The following PKHD1 variants were observed in gnomAD, a reference collection of about 807,000 sequenced individuals.
PKHD1 encodes PKHD1 ciliary IPT domain containing fibrocystin/polyductin.
In PKHD1, 291 loss-of-function variants were observed where a neutral mutation model predicts 412.0. That is an observed-to-expected ratio of 0.71 (90% confidence interval 0.64 to 0.78). The LOEUF (loss-of-function observed/expected upper bound fraction) is 0.78, where lower values mean the gene tolerates loss of function less well. Ranked by LOEUF, PKHD1 falls within the 30% of genes least tolerant of loss-of-function variation. The pLI is 0.00. For missense variants in PKHD1, 4,825 were observed against 4,950.7 expected, an observed-to-expected ratio of 0.97 and a Z score of 0.76; for synonymous variants, 1,777 against 1,821.5, an observed-to-expected ratio of 0.98 and a Z score of 0.62.
intron 11 of PKHD1, among the ~76,000 whole-genome samples, chr6:52,066,877 G>A (rs569984459): frequency 2.2e-4 from 33 of 152,202 alleles, no homozygotes; most frequent in South Asian, 8.3e-4. Flanking sequence ...TCCAGCCTGC[G>A]TGACAGAGCG....
chr6:51,985,145 A>G (rs1796050565), intron 35 of PKHD1, among the ~76,000 whole-genome samples: 1 of 152,196 alleles, frequency 6.6e-6, no homozygotes, highest in Non-Finnish European at 1.5e-5. Flanking sequence ...ATGATCTGTG[A>G]AAAAAATTAG....
chr6:51,744,228 C>T (rs1423624246), intron 60 of PKHD1, among the ~76,000 whole-genome samples, 157 bp downstream of exon 60: 1 of 152,184 alleles, frequency 6.6e-6, no homozygotes, highest in Non-Finnish European at 1.5e-5. Context: ...CTCAGCATTC[C>T]TGTAATACAG....
intron 52 of PKHD1, among the ~76,000 whole-genome samples, chr6:51,796,448 A>T (rs1161349100): frequency 1.6e-4 from 24 of 151,508 alleles, no homozygotes; most frequent in African/African-American, 4.8e-4. Context: ...TTTTCAAAAA[A>T]ATCCTAGATT....
At chr6:51,654,657 C>T (rs905694974) in intron 61 of PKHD1, among the ~76,000 whole-genome samples, 4 of 147,354 alleles carry the variant, frequency 2.7e-5, no homozygotes, top group African/African-American at 5.0e-5. Context: ...AAAAAAAATA[C>T]AATAGATTAC....
rs374639343 is a variant in PKHD1, at chr6:51,919,737, G to A, written c.6122-7161C>T. On this transcript the variant is annotated intron_variant, in intron 37 of 66. Coordinates refer to ENST00000371117, the MANE Select transcript of PKHD1 (RefSeq NM_138694.4). ...CCTTGGGCAGTATGGCCATTTTCAC[G>A]ATATTGATTCTTCCTATCCATGAGC... Among the ~76,000 whole-genome samples, 62 of 152,270 alleles carry A rather than the reference G, an allele frequency of 4.1e-4. 2 individuals are homozygous for A. The South Asian group carries it at 0.012, about 30-fold the overall frequency.
rs780558152 is a variant in PKHD1 at position 52,083,205 on chromosome 6, C to T, written c.103G>A (p.Gly35Arg). The change falls in exon 3 of 67, where the codon GGA becomes AGA. Residue 35 changes from glycine to arginine, a missense_variant. By Grantham distance (125) the Gly-to-Arg change is moderately radical (BLOSUM62 -2). Coordinates refer to ENST00000371117, the MANE Select transcript of PKHD1 (RefSeq NM_138694.4). Reference sequence around the variant, plus strand: ...TCAAAAATGACTGTGATCCACGTTCCCCCTGCAAGGCTACCTTCTTCAGGT... The same window carrying T: ...TCAAAAATGACTGTGATCCACGTTCTCCCTGCAAGGCTACCTTCTTCAGGT... ...IEPEEGSLAG[G>R]TWITVIFDGL... The T allele has an allele frequency of 3.5e-5, 56 of 1,611,352 alleles. No homozygotes were observed. Among genetic ancestry groups the T allele is most frequent in the Non-Finnish European group, 4.6e-5 (54 of 1,177,578 alleles).
intron 52 of PKHD1, among the ~76,000 whole-genome samples, chr6:51,814,054 G>T (rs182016123): frequency 6.6e-6 from 1 of 152,210 alleles, no homozygotes; most frequent in Admixed American, 6.5e-5. Flanking sequence ...TGCTTTCCCA[G>T]AAAAATGTAA....
chr6:52,046,734 CAGA>C (rs1366395761), intron 23 of PKHD1, among the ~76,000 whole-genome samples: 1 of 152,230 alleles, frequency 6.6e-6, no homozygotes, highest in Admixed American at 6.5e-5. Flanking sequence ...CATGTCCCCA[CAGA>C]AGAATAACAG....
At position 52,069,452 on chromosome 6, in the gene PKHD1, A is replaced by G. The variant is rs777590401; in HGVS notation, c.778+5T>C. The G allele has an allele frequency of 1.8e-5, 29 of 1,597,550 alleles. No individual in the cohort carries two copies. Among genetic ancestry groups the G allele is most frequent in the African/African-American group, 5.4e-5 (4 of 74,620 alleles). Reference sequence around the variant, plus strand: ...GAAGGGGTACTTGGTGAAGGGGGATAGTACCTGAGTGTGTCTGGTATAGGA... The same window carrying G: ...GAAGGGGTACTTGGTGAAGGGGGATGGTACCTGAGTGTGTCTGGTATAGGA... On this transcript the variant is annotated splice_donor_5th_base_variant and intron_variant, in intron 11 of 66. Coordinates refer to ENST00000371117, the MANE Select transcript of PKHD1 (RefSeq NM_138694.4).
At chr6:51,655,783 A>G (rs1260979892) in intron 61 of PKHD1, among the ~76,000 whole-genome samples, 1 of 152,134 alleles carries the variant, frequency 6.6e-6, no homozygotes, top group Non-Finnish European at 1.5e-5. Flanking sequence ...AAAAACCACA[A>G]TGAGATACTA....
chr6:51,666,918 C>T (rs1773909332), intron 60 of PKHD1, among the ~76,000 whole-genome samples: 1 of 151,870 alleles, frequency 6.6e-6, no homozygotes, highest in Admixed American at 6.6e-5. Context: ...TGTATACGTG[C>T]CACATTTTCT....
At chr6:51,699,543 A>G (rs554906609) in intron 60 of PKHD1, among the ~76,000 whole-genome samples, 4 of 152,266 alleles carry the variant, frequency 2.6e-5, no homozygotes, top group Admixed American at 2.0e-4. Flanking sequence ...TCTTCTAAAA[A>G]TTTTTGTTGA....
chr6:51,983,952 T>C (rs920514798), intron 35 of PKHD1, among the ~76,000 whole-genome samples: 1 of 152,150 alleles, frequency 6.6e-6, no homozygotes, highest in Admixed American at 6.5e-5. Flanking sequence ...GTTTGGGGGG[T>C]CCTCTTTAAC....
chr6:51,921,536 C>G (rs1280733787), intron 37 of PKHD1, among the ~76,000 whole-genome samples: 1 of 152,180 alleles, frequency 6.6e-6, no homozygotes. Context: ...CAACTTGGTT[C>G]CCTTCTCCCC....
chr6:51,872,846 A>C (rs1288427984), intron 46 of PKHD1, among the ~76,000 whole-genome samples: 1 of 149,540 alleles, frequency 6.7e-6, no homozygotes, highest in African/African-American at 2.5e-5. Flanking sequence ...CTCCATATAT[A>C]GCTCAGAACT....
At chr6:51,807,346 G>A (rs1427548900) in intron 52 of PKHD1, among the ~76,000 whole-genome samples, 2 of 149,848 alleles carry the variant, frequency 1.3e-5, no homozygotes, top group South Asian at 2.1e-4. Flanking sequence ...GCTGAGGCAG[G>A]AGAATTACTT....
intron 60 of PKHD1, among the ~76,000 whole-genome samples, chr6:51,741,667 T>C (rs561851939): frequency 5.3e-5 from 8 of 152,302 alleles, no homozygotes; most frequent in South Asian, 2.1e-4. Context: ...TCCACAGTGG[T>C]AACCAGTTTG....
chr6:52,042,892 C>T lies in PKHD1; in HGVS notation c.3064G>A (p.Asp1022Asn). The T allele has an allele frequency of 3.1e-6, 5 of 1,613,950 alleles. No homozygotes were observed. The highest frequency in any genetic ancestry group is 4.2e-6 in the Non-Finnish European group (5 of 1,179,850). The change falls in exon 27 of 67, where the codon GAT (aspartate) becomes AAT (asparagine). Residue 1022 changes from aspartate (D) to asparagine (N), a missense_variant. Asp to Asn is a conservative substitution (Grantham distance 23, BLOSUM62 1). Coordinates refer to ENST00000371117, the MANE Select transcript of PKHD1 (RefSeq NM_138694.4). ...GCAGCTCTGGAAGGCTCCACCATAT[C>T]CAGTCTAGGTTTCACATTTAGGAAG... is the stretch of plus-strand genomic sequence containing the variant. ...DLFLNVKPRL[D>N]MVEPSRAADI... is the part of the protein sequence containing the mutation.
At chr6:51,642,898 A>T (rs536681181) in intron 63 of PKHD1, among the ~76,000 whole-genome samples, 1 of 152,214 alleles carries the variant, frequency 6.6e-6, no homozygotes, top group East Asian at 1.9e-4. Context: ...GGTCTTAGGT[A>T]TGGATAAGGT....
Sources: allele counts gnomAD v4.1 joint callset (sites outside exome capture counted in the v4.1 genomes callset), GRCh38; gene constraint gnomAD v4.1.1; transcripts MANE v1.5; gene names NCBI Gene and HGNC (gene_info 2026-07-23, HGNC 2026-07-21).